PTPRM: variants seen among roughly 807,000 people sequenced by gnomAD.
The protein encoded by PTPRM is protein tyrosine phosphatase receptor type M.
Under a neutral mutation model 186.7 loss-of-function variants are expected in PTPRM, and 47 were observed. That is an observed-to-expected ratio of 0.25 (90% CI 0.20 to 0.32). The LOEUF (loss-of-function observed/expected upper bound fraction) is 0.32. Ranked by LOEUF, PTPRM falls within the 10% of genes least tolerant of loss-of-function variation. The pLI, the probability that PTPRM is intolerant of heterozygous loss-of-function variation, is 1.00. For missense variants in PTPRM, 1,494 were observed against 1,865.0 expected (o/e 0.80, Z 3.66); for synonymous variants, 668 against 674.9 (o/e 0.99, Z 0.16).
intron 26 of PTPRM, chr18:8,377,373 C>T (rs533945163): frequency 3.3e-5 from 5 of 152,172 alleles, no homozygotes; most frequent in Admixed American, 6.5e-5. Flanking sequence ...TTAAATGCTG[C>T]TTTCATGGGT....
intron 22 of PTPRM, among the ~76,000 whole-genome samples, chr18:8,324,898 CTT>C (rs1270038422): frequency 1.3e-5 from 2 of 152,204 alleles, no homozygotes; most frequent in South Asian, 4.1e-4. Flanking sequence ...TTGGGGATTA[CTT>C]TAACTCATGT....
intron 14 of PTPRM, among the ~76,000 whole-genome samples, chr18:8,242,161 A>G (rs1210475785): frequency 6.6e-6 from 1 of 152,170 alleles, no homozygotes; most frequent in African/African-American, 2.4e-5. Context: ...AAAGTTCACA[A>G]TGCTTCTCTT....
chr18:7,926,377 C>T (rs1842181134), intron 4 of PTPRM, among the ~76,000 whole-genome samples, 191 bp from the exon 5 acceptor site: 1 of 152,106 alleles, frequency 6.6e-6, no homozygotes, highest in Admixed American at 6.5e-5. Flanking sequence ...TTCTTTTACA[C>T]AACATACTAA....
chr18:8,013,512 G>A (rs1038436894), intron 7 of PTPRM, among the ~76,000 whole-genome samples: 9 of 152,198 alleles, frequency 5.9e-5, no homozygotes, highest in African/African-American at 1.9e-4. Flanking sequence ...TCATCAAGTG[G>A]AGGTGGATCT....
intron 5 of PTPRM, among the ~76,000 whole-genome samples, chr18:7,944,250 G>C (rs2052373324): frequency 6.6e-6 from 1 of 152,150 alleles, no homozygotes; most frequent in African/African-American, 2.4e-5. Context: ...CTTATGGACT[G>C]CTAGAGGAGA....
intron 1 of PTPRM, among the ~76,000 whole-genome samples, chr18:7,667,058 A>C (rs763494344): frequency 6.6e-6 from 1 of 152,246 alleles, no homozygotes. Flanking sequence ...AATTAAGCAC[A>C]GTTACTTGAC....
chr18:8,340,742 A>C (rs150496247), intron 22 of PTPRM, among the ~76,000 whole-genome samples: 2,069 of 152,280 alleles, frequency 0.014, 55 homozygotes, highest in African/African-American at 0.048. Flanking sequence ...AGAGCACCTG[A>C]TGGTTATACT....
intron 1 of PTPRM, among the ~76,000 whole-genome samples, chr18:7,755,762 A>G (rs2041455073): frequency 6.6e-6 from 1 of 152,190 alleles, no homozygotes; most frequent in African/African-American, 2.4e-5. Flanking sequence ...GCTGTTCTAC[A>G]GATTTTCTAT....
rs76691862 is a variant in PTPRM, at chr18:8,110,748, A to G, written c.1857-2738A>G. 8.1e-3 allele frequency among the ~76,000 whole-genome samples: 1,239 copies of G among 152,318 alleles called. 12 individuals carry two copies. The highest frequency in any genetic ancestry group is 0.028 in the African/African-American group (1,148 of 41,566). On this transcript the variant is annotated intron_variant, in intron 11 of 32. Coordinates refer to ENST00000580170, the MANE Select transcript of PTPRM (RefSeq NM_001105244.2). ...CCTCATTCCAGTGAATGATTCCTCA[A>G]TCATTCATTGAGGAATGATTCAGAT...
rs572697876 is a variant in PTPRM at position 8,235,117 on chromosome 18, CTATT to C, written c.2301-8937_2301-8934del. Reference sequence around the variant, plus strand: ...TTTAGAATGAGCTAGGAAGTATTCTCTATTTATGTTCTGGGAGACATGGTAGAGA... The same window carrying C: ...TTTAGAATGAGCTAGGAAGTATTCTCTATGTTCTGGGAGACATGGTAGAGA... On this transcript the variant is annotated intron_variant, in intron 14 of 32. Coordinates refer to ENST00000580170, the MANE Select transcript of PTPRM (RefSeq NM_001105244.2). 1.8e-3 allele frequency among the ~76,000 whole-genome samples: 274 copies of C among 152,172 alleles called. 1 individual carries two copies. Among genetic ancestry groups the C allele is most frequent in the African/African-American group, 5.9e-3 (246 of 41,532 alleles).
At chr18:7,647,672 T>G (rs1246333400) in intron 1 of PTPRM, among the ~76,000 whole-genome samples, 2 of 152,196 alleles carry the variant, frequency 1.3e-5, no homozygotes, top group African/African-American at 4.8e-5. Flanking sequence ...TCTGAACAGA[T>G]TGGAATCTGG....
chr18:7,584,993 A>G (rs746574310), intron 1 of PTPRM, among the ~76,000 whole-genome samples: 1 of 152,222 alleles, frequency 6.6e-6, no homozygotes, highest in African/African-American at 2.4e-5. Context: ...TTCTCAACTG[A>G]CATAGACAGC....
At chr18:8,107,657 A>C (rs1374959121) in intron 11 of PTPRM, among the ~76,000 whole-genome samples, 1 of 152,214 alleles carries the variant, frequency 6.6e-6, no homozygotes, top group Non-Finnish European at 1.5e-5. Context: ...CCCCACAAAT[A>C]TTCCACAGCA....
intron 7 of PTPRM, among the ~76,000 whole-genome samples, chr18:8,006,471 G>C (rs891118787): frequency 3.3e-5 from 5 of 152,106 alleles, no homozygotes; most frequent in Non-Finnish European, 7.4e-5. Context: ...CACAAACTTT[G>C]TGAGAAAATA....
intron 8 of PTPRM, 98 bp downstream of exon 8, chr18:8,070,092 C>A: frequency 8.8e-7 from 1 of 1,137,394 alleles, no homozygotes; most frequent in Non-Finnish European, 1.2e-6. Context: ...GAAAGAACTA[C>A]TTATTTTGTT....
chr18:7,678,870 T>G (rs756238810), intron 1 of PTPRM, among the ~76,000 whole-genome samples: 6 of 152,200 alleles, frequency 3.9e-5, no homozygotes, highest in Non-Finnish European at 7.3e-5. Context: ...ATACTTTTTT[T>G]GTGACAAAAG....
chr18:7,570,870 A>G (rs1198376697), intron 1 of PTPRM, among the ~76,000 whole-genome samples: 3 of 152,062 alleles, frequency 2.0e-5, no homozygotes, highest in African/African-American at 7.2e-5. Context: ...AACTTACTGG[A>G]AAAGTATTAG....
At chr18:8,035,335 GA>G (rs902067099) in intron 7 of PTPRM, among the ~76,000 whole-genome samples, 1 of 152,054 alleles carries the variant, frequency 6.6e-6, no homozygotes, top group African/African-American at 2.4e-5. Context: ...AAATCATGCA[GA>G]AAAAATATAA....
intron 2 of PTPRM, among the ~76,000 whole-genome samples, chr18:7,887,708 C>T (rs1168973156): frequency 1.3e-5 from 2 of 152,128 alleles, no homozygotes; most frequent in African/African-American, 4.8e-5. Context: ...ACTTGTCACA[C>T]GTGGCTATTG....
Sources: gnomAD v4.1 joint callset for allele counts (sites outside exome capture counted in the v4.1 genomes callset) on GRCh38, gnomAD v4.1.1 for gene constraint, MANE v1.5 for transcripts, NCBI Gene and HGNC (gene_info 2026-07-23, HGNC 2026-07-21) for gene names.